LRCH3: variants seen among roughly 807,000 people sequenced by gnomAD.
The protein encoded by LRCH3 is DISP complex protein LRCH3.
In LRCH3, 68 loss-of-function variants were observed where a neutral mutation model predicts 104.5. That is an observed-to-expected ratio of 0.65 (90% CI 0.54 to 0.80). The LOEUF is 0.80. Among genes scored for constraint, LRCH3 ranks in the 30% least tolerant of loss-of-function variants. The pLI is 0.00. For synonymous variants in LRCH3, 344 were observed against 361.3 expected (o/e 0.95, Z 0.54); for missense variants, 951 against 953.9 (o/e 1.00, Z 0.04).
At position 197,847,853 on chromosome 3, in the gene LRCH3, A is replaced by G. The variant is rs767419598; in HGVS notation, c.1381-19A>G. On this transcript the variant is annotated intron_variant, in intron 11 of 20. Transcript: ENST00000425562. Reference sequence around the variant, plus strand: ...TCCTCATTTTTACTTTTGTATGCACAATAACGCTTTGGTTCCAGCTGTCAC... The same window carrying G: ...TCCTCATTTTTACTTTTGTATGCACGATAACGCTTTGGTTCCAGCTGTCAC... The G allele has an allele frequency of 8.1e-6, 13 of 1,612,940 alleles. No individual in the cohort carries two copies. Among genetic ancestry groups the G allele is most frequent in the African/African-American group, 5.3e-5 (4 of 74,838 alleles).
intron 15 of LRCH3, among the ~76,000 whole-genome samples, chr3:197,863,936 G>A (rs551674448): frequency 6.6e-6 from 1 of 152,250 alleles, no homozygotes; most frequent in Admixed American, 6.5e-5. Context: ...ATATTTCCCA[G>A]TAACATTTTC....
chr3:197,796,116 A>G (rs1268621180), intron 1 of LRCH3, among the ~76,000 whole-genome samples: 1 of 152,302 alleles, frequency 6.6e-6, no homozygotes, highest in Non-Finnish European at 1.5e-5. Flanking sequence ...CCTTTCGTAT[A>G]TGAGGAAGCT....
rs1357212017 is a variant in LRCH3, at chr3:197,870,713, G to A, written c.1992+435G>A. Among the ~76,000 whole-genome samples the A allele has an allele frequency of 5.3e-5, 8 of 150,914 alleles. 1 individual carries two copies. Among genetic ancestry groups the A allele is most frequent in the South Asian group, 2.1e-4 (1 of 4,784 alleles). On this transcript the variant is annotated intron_variant, in intron 18 of 20. Transcript: ENST00000425562. ...TGGGATTGCAGGCGTGAGCTTCCGC[G>A]CCCGGCTGTAATTTTTAACAGATTA...
chr3:197,860,326 C>T (rs368584853), intron 15 of LRCH3, among the ~76,000 whole-genome samples: 3 of 152,142 alleles, frequency 2.0e-5, no homozygotes, highest in South Asian at 2.1e-4. Context: ...TTACTTTCCA[C>T]GTGTTGTATT....
chr3:197,838,206 G>GC (rs1737175756), intron 9 of LRCH3, among the ~76,000 whole-genome samples: 1 of 152,242 alleles, frequency 6.6e-6, no homozygotes, highest in Non-Finnish European at 1.5e-5. Flanking sequence ...GACTGCTTGA[G>GC]CCCGGCAGTT....
chr3:197,844,834 T>C (rs532944595), intron 10 of LRCH3, among the ~76,000 whole-genome samples: 1 of 151,690 alleles, frequency 6.6e-6, no homozygotes, highest in South Asian at 2.1e-4. Context: ...TTGACCAGGA[T>C]GGCCTCTTAT....
At chr3:197,844,538 G>A (rs1401808910) in intron 10 of LRCH3, among the ~76,000 whole-genome samples, 2 of 151,190 alleles carry the variant, frequency 1.3e-5, no homozygotes, top group Non-Finnish European at 2.9e-5. Context: ...TTAAAAGCAT[G>A]AGCCACTGTG....
chr3:197,871,215 A>T, intron 18 of LRCH3, 110 bp from the exon 19 acceptor site: 1 of 850,822 alleles, frequency 1.2e-6, no homozygotes, highest in Non-Finnish European at 1.9e-6. Context: ...ATATTGTGGT[A>T]CTTATTTCCT....
chr3:197,885,900 T>C lies in LRCH3; in HGVS notation c.*2234T>C, dbSNP rs1005347681. On this transcript the variant is annotated 3_prime_UTR_variant, in exon 21 of 21. Transcript: ENST00000425562. The stretch of plus-strand genomic sequence containing the variant: ...ACAATGCATCCATTTGGGCATAATG[T>C]TATCCCTCTTTTTATCAGGTAAATG... 1 of 152,230 alleles carries C rather than the reference T, an allele frequency of 6.6e-6. No homozygotes were observed. Among genetic ancestry groups the C allele is most frequent in the Non-Finnish European group, 1.5e-5 (1 of 68,044 alleles). 9.4% of individuals were successfully genotyped at this position (152,230 alleles called of 1,614,324 possible).
At chr3:197,864,708 TC>T in intron 15 of LRCH3, among the ~76,000 whole-genome samples, 4 of 144,640 alleles carry the variant, frequency 2.8e-5, no homozygotes, top group African/African-American at 5.2e-5. Flanking sequence ...TTCTTCTTCT[TC>T]TTTTTTTTTT....
At chr3:197,831,754 A>G (rs1735975388) in intron 7 of LRCH3, among the ~76,000 whole-genome samples, 2 of 151,612 alleles carry the variant, frequency 1.3e-5, no homozygotes, top group South Asian at 2.1e-4. Flanking sequence ...AGTAGCTGGG[A>G]CTACAGGCTT....
At position 197,882,872 on chromosome 3, in the gene LRCH3, T is replaced by A. The variant is rs958107436; in HGVS notation, c.2209-669T>A. 3.0e-6 allele frequency: 3 copies of A among 985,084 alleles called. No homozygotes were observed. In the Admixed American group the frequency reaches 1.8e-4, roughly 61 times the overall value. 61.0% of individuals were successfully genotyped at this position (985,084 alleles called of 1,614,324 possible). A position where few individuals can be genotyped will look rare whatever the true frequency, so the allele number is the denominator to read the frequency against. On this transcript the variant is annotated intron_variant, in intron 20 of 20. Transcript: ENST00000425562. ...TTCAGGCTGTTAAATACCAGGATAT[T>A]AAATCCTTTACATTTTCAAATACTG... is the stretch of plus-strand genomic sequence containing the variant.
At chr3:197,814,266 C>G (rs1733560366) in intron 1 of LRCH3, among the ~76,000 whole-genome samples, 1 of 152,188 alleles carries the variant, frequency 6.6e-6, no homozygotes, top group African/African-American at 2.4e-5. Context: ...GTGGAAACCC[C>G]TGATAAACCC....
intron 16 of LRCH3, 42 bp downstream of exon 16, chr3:197,865,513 ATTCT>A (rs1560594083): frequency 1.6e-6 from 2 of 1,243,046 alleles, no homozygotes; most frequent in Admixed American, 2.7e-5. Flanking sequence ...CAAGATTATA[ATTCT>A]TTATTTTTTT....
chr3:197,817,123 T>A, intron 2 of LRCH3, 53 bp from the exon 3 acceptor site: 1 of 1,522,406 alleles, frequency 6.6e-7, no homozygotes, highest in Non-Finnish European at 8.8e-7. Flanking sequence ...AGAGAGAAAA[T>A]TTTTCTTCAG....
intron 13 of LRCH3, among the ~76,000 whole-genome samples, chr3:197,853,124 TG>T (rs1268478878): frequency 6.6e-6 from 1 of 152,202 alleles, no homozygotes; most frequent in African/African-American, 2.4e-5. Context: ...GCTTACTAAA[TG>T]TTTTTCTTGT....
At position 197,870,205 on chromosome 3, in the gene LRCH3, C is replaced by T. The variant is rs776320224; in HGVS notation, c.1919C>T (p.Ser640Phe). ...LPPSAAPTTD[S>F]TDSITGQNSR... is the part of the protein sequence containing the mutation. Reference sequence around the variant, plus strand: ...CCATCTGCTGCACCTACCACTGATTCTACAGATTCCATAACAGGACAGAAT... The same window carrying T: ...CCATCTGCTGCACCTACCACTGATTTTACAGATTCCATAACAGGACAGAAT... Residue 640 changes from serine to phenylalanine, a missense_variant, in exon 18 of 21, where the codon TCT becomes TTT. Physicochemically the swap from Ser to Phe is radical, Grantham distance 155. Coordinates refer to ENST00000425562, the MANE Select transcript of LRCH3 (RefSeq NM_001365715.1). 6.2e-7 allele frequency: 1 copy of T among 1,612,928 alleles called. No individual in the cohort carries two copies. Among genetic ancestry groups the T allele is most frequent in the South Asian group, 1.1e-5 (1 of 91,054 alleles).
At chr3:197,807,142 G>C (rs1732583330) in intron 1 of LRCH3, among the ~76,000 whole-genome samples, 1 of 151,712 alleles carries the variant, frequency 6.6e-6, no homozygotes, top group Admixed American at 6.6e-5. Context: ...GACCTCTCCT[G>C]TTTGGGTGCT....
At chr3:197,857,794 A>T (rs1260349451) in intron 14 of LRCH3, among the ~76,000 whole-genome samples, 2 of 152,206 alleles carry the variant, frequency 1.3e-5, no homozygotes, top group Non-Finnish European at 2.9e-5. Context: ...GTATATTTTT[A>T]TCTTCATTAT....
Sources: allele counts gnomAD v4.1 joint callset (sites outside exome capture counted in the v4.1 genomes callset), GRCh38; gene constraint gnomAD v4.1.1; transcripts MANE v1.5; gene names NCBI Gene and HGNC (gene_info 2026-07-23, HGNC 2026-07-21).